Variants in RRBP1 observed in about 807,000 individuals in gnomAD.
The protein encoded by RRBP1 is ribosome binding protein 1.
In RRBP1, 94 loss-of-function variants were observed where a neutral mutation model predicts 165.2. The observed-to-expected ratio is 0.57, with a 90% CI of 0.48 to 0.68. RRBP1 has a LOEUF of 0.68. Among genes scored for constraint, RRBP1 ranks in the 30% least tolerant of loss-of-function variants. The pLI is 0.00. For missense variants in RRBP1, 1,676 were observed against 1,763.0 expected, an observed-to-expected ratio of 0.95 and a Z score of 0.88; for synonymous variants, 680 against 714.5, an observed-to-expected ratio of 0.95 and a Z score of 0.77.
Position 17,641,811 on chromosome 20 carries a change from T to A in RRBP1, c.2170A>T (p.Arg724Trp), listed in dbSNP as rs1235362892. ...TCAGGCTGTACCTTGTTGAGCTCCC[T>A]CAGTTTGCTCTTGGCGACAGCCGCA... ...EDAAVAKSKLRELNKEMAAEK... is the reference protein window; with the variant it reads ...EDAAVAKSKLWELNKEMAAEK... The change falls in exon 5 of 25, where the codon AGG becomes TGG. Residue 724 changes from arginine to tryptophan, a missense_variant. Transcript: ENST00000377813. 6.2e-7 allele frequency: 1 copy of A among 1,613,132 alleles called. No individual in the cohort carries two copies. The highest frequency in any genetic ancestry group is 8.5e-7 in the Non-Finnish European group (1 of 1,179,986).
intron 3 of RRBP1, among the ~76,000 whole-genome samples, chr20:17,652,399 A>G (rs2036574338): frequency 6.6e-6 from 1 of 152,148 alleles, no homozygotes; most frequent in South Asian, 2.1e-4. Flanking sequence ...ATGGGACAGC[A>G]CAGCCCTAGG....
chr20:17,645,015 T>C (rs2036437001), intron 3 of RRBP1, among the ~76,000 whole-genome samples: 1 of 152,226 alleles, frequency 6.6e-6, no homozygotes, highest in South Asian at 2.1e-4. Context: ...GCCTATTCCT[T>C]TCCAGAACCA....
chr20:17,650,711 T>C (rs1423106917), intron 3 of RRBP1, among the ~76,000 whole-genome samples: 2 of 152,188 alleles, frequency 1.3e-5, no homozygotes, highest in African/African-American at 4.8e-5. Context: ...AGAATGTACA[T>C]ATGTACTTCC....
intron 5 of RRBP1, 96 bp downstream of exon 5, chr20:17,641,701 C>G: frequency 1.4e-6 from 2 of 1,466,252 alleles, no homozygotes; most frequent in Non-Finnish European, 1.9e-6. Flanking sequence ...CCAGGCAGGC[C>G]CCAGCATCTC....
Position 17,636,615 on chromosome 20 carries a change from G to C in RRBP1, c.2299C>G (p.Arg767Gly). The C allele has an allele frequency of 6.8e-6, 11 of 1,612,516 alleles. No homozygotes were observed. The highest frequency in any genetic ancestry group is 9.3e-6 in the Non-Finnish European group (11 of 1,179,998). The change falls in exon 6 of 25, where the codon CGG (arginine) becomes GGG (glycine). Residue 767 changes from arginine to glycine, a missense_variant. Arg to Gly is a moderately radical substitution (Grantham distance 125). This residue lies in a region of RRBP1 where 1,184 missense variants were observed against 1,167.1 expected (regional missense o/e 1.01). Transcript: ENST00000377813. Reference protein sequence around the residue: ...AVQARMQASYREHVKEVQQLQ... With the variant: ...AVQARMQASYGEHVKEVQQLQ... ...TGCTGCACCTCCTTCACGTGCTCCC[G>C]GTAGCTGGCCTGCATGCGTGCCTGC...
intron 2 of RRBP1, among the ~76,000 whole-genome samples, chr20:17,674,551 C>T (rs2037038241): frequency 6.6e-6 from 1 of 152,036 alleles, no homozygotes; most frequent in Non-Finnish European, 1.5e-5. Flanking sequence ...ATCACGAGGT[C>T]AGGAGATCGA....
intron 20 of RRBP1, among the ~76,000 whole-genome samples, chr20:17,618,198 C>G (rs2035838242): frequency 6.6e-6 from 1 of 152,244 alleles, no homozygotes; most frequent in Admixed American, 6.5e-5. Context: ...CTGAGAGCCC[C>G]AGGGCGATGG....
At chr20:17,664,891 A>G (rs1032100787) in intron 2 of RRBP1, among the ~76,000 whole-genome samples, 1 of 152,164 alleles carries the variant, frequency 6.6e-6, no homozygotes, top group Non-Finnish European at 1.5e-5. Context: ...ACTAAAACAG[A>G]ATGACAATAA....
chr20:17,630,635 C>T (rs766272884), intron 8 of RRBP1, among the ~76,000 whole-genome samples: 31 of 152,204 alleles, frequency 2.0e-4, no homozygotes, highest in Non-Finnish European at 4.1e-4. Context: ...CAGTCCCAGT[C>T]GGTGCTCCAC....
rs577609800 is a variant in RRBP1, at chr20:17,641,557, G to A, written c.2184+240C>T. ...CCAAACCCTTGCTTCACTTCCCTGCGTTCTTACAGCCACGAAGGAAGCCAC... is the reference window on the plus strand; with the variant it reads ...CCAAACCCTTGCTTCACTTCCCTGCATTCTTACAGCCACGAAGGAAGCCAC... On this transcript the variant is annotated intron_variant, in intron 5 of 24. Transcript: ENST00000377813. 1.1e-4 allele frequency: 61 copies of A among 576,148 alleles called. No homozygotes were observed. The East Asian group carries it at 1.6e-3, about 15-fold the overall frequency. 35.7% of individuals were successfully genotyped at this position (576,148 alleles called of 1,614,324 possible).
chr20:17,619,794 A>G lies in RRBP1; in HGVS notation c.3580-66T>C. 6 of 1,240,010 alleles carry G rather than the reference A, an allele frequency of 4.8e-6. No homozygotes were observed. The South Asian group carries it at 8.7e-5, about 18-fold the overall frequency. The allele number at this position is 1,240,010 out of a possible 1,614,324, so 76.8% of individuals were successfully genotyped here. On this transcript the variant is annotated intron_variant, in intron 18 of 24. Coordinates refer to ENST00000377813, the MANE Select transcript of RRBP1 (RefSeq NM_001365613.2). ...CCTCTGCTCAAAGGGCACTCACCTCAGGGAGCAGGCTGGCCCTGGGATAGG... is the reference window on the plus strand; with the variant it reads ...CCTCTGCTCAAAGGGCACTCACCTCGGGGAGCAGGCTGGCCCTGGGATAGG...
intron 2 of RRBP1, among the ~76,000 whole-genome samples, chr20:17,672,078 G>A (rs2036990159): frequency 6.6e-6 from 1 of 152,206 alleles, no homozygotes; most frequent in African/African-American, 2.4e-5. Context: ...ATTACTAGGT[G>A]GGCCAGGGAG....
rs753586734 is a variant in RRBP1, at chr20:17,636,560, C to G, written c.2337+17G>C. ...GGTCCTGTCCCTTCCCATGCCCCCG[C>G]CAGCCACTACACCCACCTTGCCCTG... On this transcript the variant is annotated intron_variant, in intron 6 of 24. Transcript: ENST00000377813. 2 of 1,608,488 alleles carry G rather than the reference C, an allele frequency of 1.2e-6. No homozygotes were observed. Among genetic ancestry groups the G allele is most frequent in the African/African-American group, 1.3e-5 (1 of 74,920 alleles).
chr20:17,629,215 T>A (rs1377149403), intron 9 of RRBP1, among the ~76,000 whole-genome samples: 1 of 152,238 alleles, frequency 6.6e-6, no homozygotes, highest in African/African-American at 2.4e-5. Flanking sequence ...ACGGCAGTGC[T>A]TGGCCTGGGG....
At position 17,617,912 on chromosome 20, in the gene RRBP1, C is replaced by G. The variant is rs139804597; in HGVS notation, c.3759+684G>C. Among the ~76,000 whole-genome samples, 459 of 152,374 alleles carry G rather than the reference C, an allele frequency of 3.0e-3. 3 individuals carry two copies. Among genetic ancestry groups the G allele is most frequent in the African/African-American group, 0.01 (429 of 41,594 alleles). On this transcript the variant is annotated intron_variant, in intron 20 of 24. Transcript: ENST00000377813. The stretch of plus-strand genomic sequence containing the variant: ...GCCTCACAGGGTGCTGCTCACAACA[C>G]CAGCCTTGGGGCGGTACCAGATCCG...
At chr20:17,644,145 A>C (rs1208726784) in intron 3 of RRBP1, among the ~76,000 whole-genome samples, 1 of 152,146 alleles carries the variant, frequency 6.6e-6, no homozygotes, top group Non-Finnish European at 1.5e-5. Context: ...TTTTCATTAC[A>C]AGTCAAAGCA....
rs2122355307 is a variant in RRBP1 at position 17,640,751 on chromosome 20, GGT to G, written c.2184+1044_2184+1045del. ...GCAGCATCGAAGAGCGGCCATCTAAGGTGTGTCTTCTGGTCCTGCCCATCCCC... is the reference window on the plus strand; with the variant it reads ...GCAGCATCGAAGAGCGGCCATCTAAGGTGTCTTCTGGTCCTGCCCATCCCC... On this transcript the variant is annotated intron_variant, in intron 5 of 24. Transcript: ENST00000377813. Among the ~76,000 whole-genome samples, 2 of 152,322 alleles carry G rather than the reference GGT, an allele frequency of 1.3e-5. 1 individual carries two copies. Among genetic ancestry groups the G allele is most frequent in the South Asian group, 4.1e-4 (2 of 4,828 alleles).
chr20:17,662,735 G>A (rs555810878), intron 2 of RRBP1, among the ~76,000 whole-genome samples: 2 of 152,210 alleles, frequency 1.3e-5, no homozygotes, highest in East Asian at 3.9e-4. Flanking sequence ...GATTCAGTGG[G>A]TAGGAGGATG....
intron 18 of RRBP1, 90 bp from the exon 19 acceptor site, chr20:17,619,818 G>C: frequency 1.1e-6 from 1 of 907,622 alleles, no homozygotes; most frequent in Non-Finnish European, 1.7e-6. Flanking sequence ...CCCTGGGATA[G>C]GTGAGGCCTC....
Sources: allele counts gnomAD v4.1 joint callset (sites outside exome capture counted in the v4.1 genomes callset), GRCh38; gene constraint gnomAD v4.1.1; regional missense constraint gnomAD v4.1.1; transcripts MANE v1.5; gene names NCBI Gene and HGNC (gene_info 2026-07-23, HGNC 2026-07-21).